CRKL: variants seen among roughly 807,000 people sequenced by gnomAD.
CRKL encodes the protein CRK like proto-oncogene, adaptor protein, also known as crk-like protein.
Under a neutral mutation model 23.0 loss-of-function variants are expected in CRKL, and 3 were observed. The ratio of observed to expected loss-of-function variants is 0.13; its 90% CI spans 0.06 to 0.34. The LOEUF is 0.34. Ranked by LOEUF, CRKL falls within the 10% of genes least tolerant of loss-of-function variation. The pLI, the probability that CRKL is intolerant of heterozygous loss-of-function variation, is 1.00. For missense variants in CRKL, 256 were observed against 394.5 expected (o/e 0.65, Z 2.97); for synonymous variants, 188 against 160.7 (o/e 1.17, Z -1.28).
At chr22:20,919,113 G>A (rs1601670722) in intron 1 of CRKL, among the ~76,000 whole-genome samples, 1 of 151,942 alleles carries the variant, frequency 6.6e-6, no homozygotes, top group African/African-American at 2.4e-5. Context: ...ATGCTTTAGC[G>A]TTTAGAAACA....
At position 20,917,813 on chromosome 22, in the gene CRKL, G is replaced by T; in HGVS notation, c.-122G>T. On this transcript the variant is annotated 5_prime_UTR_variant, in exon 1 of 3. Transcript: ENST00000354336. ...GGAAAGTGCTGGCCCAGCCCTCTGA[G>T]CGCTCCTCGAGGTGTGCGAGAGGCC... 1.1e-6 allele frequency: 1 copy of T among 945,450 alleles called. No individual in the cohort carries two copies. Among genetic ancestry groups the T allele is most frequent in the Non-Finnish European group, 1.5e-6 (1 of 645,544 alleles). 58.6% of individuals were successfully genotyped at this position (945,450 alleles called of 1,614,324 possible).
At chr22:20,944,702 ATTC>A (rs1921993453) in intron 2 of CRKL, among the ~76,000 whole-genome samples, 3 of 150,462 alleles carry the variant, frequency 2.0e-5, no homozygotes, top group Admixed American at 6.6e-5. Context: ...CGCACAGCCT[ATTC>A]TTGGATATTT....
At chr22:20,924,384 T>A (rs1031584580) in intron 1 of CRKL, among the ~76,000 whole-genome samples, 8 of 152,150 alleles carry the variant, frequency 5.3e-5, no homozygotes, top group Non-Finnish European at 7.3e-5. Flanking sequence ...TGGTTGTGCC[T>A]CCTCTTTACA....
At chr22:20,919,159 T>A (rs1025886897) in intron 1 of CRKL, among the ~76,000 whole-genome samples, 1 of 152,074 alleles carries the variant, frequency 6.6e-6, no homozygotes, top group Admixed American at 6.6e-5. Context: ...AACTGTATAT[T>A]GATACTGTGG....
At position 20,951,395 on chromosome 22, in the gene CRKL, A is replaced by G. The variant is rs1413472728; in HGVS notation, c.*1550A>G. On this transcript the variant is annotated 3_prime_UTR_variant, in exon 3 of 3. Transcript: ENST00000354336. ...TTTATCATTAACCACTTATCAGTGT[A>G]TTGATGTTAAAGCATTTCCCTGTTA... 1 of 230,906 alleles carries G rather than the reference A, an allele frequency of 4.3e-6. No individual in the cohort carries two copies. Among genetic ancestry groups the G allele is most frequent in the Non-Finnish European group, 8.6e-6 (1 of 116,624 alleles). The allele number at this position is 230,906 out of a possible 1,614,324, so 14.3% of individuals were successfully genotyped here.
chr22:20,944,358 T>C (rs1921980373), intron 2 of CRKL, among the ~76,000 whole-genome samples: 1 of 152,114 alleles, frequency 6.6e-6, no homozygotes, highest in Non-Finnish European at 1.5e-5. Context: ...TTTAGGTCTT[T>C]AATAATTTTT....
chr22:20,917,799 G>T lies in CRKL; in HGVS notation c.-136G>T. On this transcript the variant is annotated 5_prime_UTR_variant, in exon 1 of 3. Transcript: ENST00000354336. ...GCCCGGAGCCGAGAGGAAAGTGCTG[G>T]CCCAGCCCTCTGAGCGCTCCTCGAG... 1 of 840,386 alleles carries T rather than the reference G, an allele frequency of 1.2e-6. No homozygotes were observed. 52.1% of individuals were successfully genotyped at this position (840,386 alleles called of 1,614,324 possible). A position where few individuals can be genotyped will look rare whatever the true frequency, so the allele number is the denominator to read the frequency against.
At chr22:20,944,069 C>CAA (rs202094880) in intron 2 of CRKL, among the ~76,000 whole-genome samples, 2 of 134,136 alleles carry the variant, frequency 1.5e-5, no homozygotes, top group African/African-American at 5.6e-5. Flanking sequence ...CCCATTGCTG[C>CAA]AAAAAAAAAG....
chr22:20,946,718 C>G (rs9625149), intron 2 of CRKL, among the ~76,000 whole-genome samples: 4,472 of 72,740 alleles, frequency 0.061, 222 homozygotes, highest in African/African-American at 0.16. Context: ...GAGCACCCCT[C>G]CCTCCAAAAA....
intron 2 of CRKL, among the ~76,000 whole-genome samples, chr22:20,941,515 ATGTG>A (rs57195377): frequency 0.55 from 34,977 of 63,252 alleles, 12,368 homozygotes; most frequent in South Asian, 0.77. Context: ...GTGTTTGTGT[ATGTG>A]TATATATATA....
intron 1 of CRKL, among the ~76,000 whole-genome samples, chr22:20,921,507 G>T (rs1920993427): frequency 3.0e-5 from 1 of 33,508 alleles, no homozygotes. Context: ...GTACTAGTAA[G>T]ATCAATATAC....
chr22:20,920,618 C>G (rs1920981964), intron 1 of CRKL, among the ~76,000 whole-genome samples: 1 of 152,194 alleles, frequency 6.6e-6, no homozygotes, highest in Admixed American at 6.6e-5. Context: ...CATGCATCTT[C>G]TTAGAGAACA....
In CRKL at chr22:20,950,772, GA is replaced by G. The variant is rs917085502; in HGVS notation, c.*929del. On this transcript the variant is annotated 3_prime_UTR_variant, in exon 3 of 3. Transcript: ENST00000354336. Reference sequence around the variant, plus strand: ...GGTTGGGTTTTTATGATAGTGCAAGGAATGACTCATGCCTCTGAGCTTCTAA... The same window carrying G: ...GGTTGGGTTTTTATGATAGTGCAAGGATGACTCATGCCTCTGAGCTTCTAA... 4 of 225,962 alleles carry G rather than the reference GA, an allele frequency of 1.8e-5. No individual in the cohort carries two copies. Among genetic ancestry groups the G allele is most frequent in the Non-Finnish European group, 3.5e-5 (4 of 113,692 alleles). The allele number at this position is 225,962 out of a possible 1,614,324, so 14.0% of individuals were successfully genotyped here. A position where few individuals can be genotyped will look rare whatever the true frequency, so the allele number is the denominator to read the frequency against.
At position 20,941,536 on chromosome 22, in the gene CRKL, T is replaced by TTGTGTGTG. The variant is rs1246252249; in HGVS notation, c.777+7293_777+7294insGTGTGTGT. ...GTGTATGTGTATATATATATATATT[T>TTGTGTGTG]TATGTGTGTGTGTGTGTGTGTGTGT... On this transcript the variant is annotated intron_variant, in intron 2 of 2. Coordinates refer to ENST00000354336, the MANE Select transcript of CRKL (RefSeq NM_005207.4). 4.1e-4 allele frequency among the ~76,000 whole-genome samples: 33 copies of TTGTGTGTG among 80,712 alleles called. 8 individuals carry two copies. The highest frequency in any genetic ancestry group is 1.1e-3 in the South Asian group (2 of 1,774). 53.0% of individuals were successfully genotyped at this position (80,712 alleles called of 152,430 possible).
intron 2 of CRKL, among the ~76,000 whole-genome samples, chr22:20,934,960 C>T (rs1288260462): frequency 1.3e-5 from 2 of 151,324 alleles, no homozygotes; most frequent in Non-Finnish European, 2.9e-5. Flanking sequence ...ACGACAGGCA[C>T]CCGCCACCAC....
intron 1 of CRKL, 71 bp downstream of exon 1, chr22:20,918,316 G>C (rs1017825060): frequency 1.3e-5 from 20 of 1,515,924 alleles, no homozygotes; most frequent in Non-Finnish European, 1.7e-5. Flanking sequence ...CTTGTATAGG[G>C]GGGTGGGGCG....
intron 1 of CRKL, 68 bp downstream of exon 1, chr22:20,918,313 A>AG (rs909860761): frequency 1.3e-6 from 2 of 1,536,630 alleles, no homozygotes; most frequent in Admixed American, 1.9e-5. Context: ...GTGCTTGTAT[A>AG]GGGGGGTGGG....
intron 2 of CRKL, among the ~76,000 whole-genome samples, chr22:20,939,762 C>T (rs1323156749): frequency 6.7e-6 from 1 of 149,292 alleles, no homozygotes; most frequent in Admixed American, 6.7e-5. Context: ...TTGGTCTTGT[C>T]ATATGATCTG....
At chr22:20,944,989 A>C (rs1648221808) in intron 2 of CRKL, among the ~76,000 whole-genome samples, 1 of 150,996 alleles carries the variant, frequency 6.6e-6, no homozygotes, top group South Asian at 2.1e-4. Flanking sequence ...CCCTGCCTGG[A>C]ATTACTTTCT....
Sources: gnomAD v4.1 joint callset for allele counts (sites outside exome capture counted in the v4.1 genomes callset) on GRCh38, gnomAD v4.1.1 for gene constraint, MANE v1.5 for transcripts, NCBI Gene and HGNC (gene_info 2026-07-23, HGNC 2026-07-21) for gene names.